Variants in ZNF804A observed in about 807,000 individuals in gnomAD.
ZNF804A encodes zinc finger protein 804A.
A neutral mutation model predicts 16.5 loss-of-function variants in ZNF804A; 2 were observed. The observed-to-expected ratio is 0.12, with a 90% CI of 0.05 to 0.38. The LOEUF (loss-of-function observed/expected upper bound fraction) is 0.38. Among genes scored for constraint, ZNF804A ranks in the 10% least tolerant of loss-of-function variants. The pLI, the probability that ZNF804A is intolerant of heterozygous loss-of-function variation, is 0.99. For missense variants in ZNF804A, 1,473 were observed against 1,390.7 expected (o/e 1.06, Z -0.94); for synonymous variants, 534 against 489.6 (o/e 1.09, Z -1.20).
intron 1 of ZNF804A, among the ~76,000 whole-genome samples, chr2:184,621,818 T>C (rs1204161339): frequency 6.6e-6 from 1 of 151,822 alleles, no homozygotes; most frequent in Admixed American, 6.6e-5. Flanking sequence ...ATTTTCTTAA[T>C]TTGAAGGCCT....
chr2:184,827,456 ATATT>A (rs1695183998), intron 1 of ZNF804A, among the ~76,000 whole-genome samples: 1 of 146,662 alleles, frequency 6.8e-6, no homozygotes, highest in Non-Finnish European at 1.5e-5. Flanking sequence ...AAATATAAAT[ATATT>A]TATATATACT....
intron 1 of ZNF804A, among the ~76,000 whole-genome samples, chr2:184,772,280 A>C (rs1055917957): frequency 6.7e-6 from 1 of 150,098 alleles, no homozygotes; most frequent in African/African-American, 2.4e-5. Context: ...AAAAAAAAAA[A>C]CAATAGCAGT....
chr2:184,611,324 G>T (rs10192442), intron 1 of ZNF804A, among the ~76,000 whole-genome samples: 4,870 of 151,980 alleles, frequency 0.032, 264 homozygotes, highest in African/African-American at 0.11. Context: ...TAGCTTACCC[G>T]TGGCATTTCT....
chr2:184,605,997 G>A (rs1176584150), intron 1 of ZNF804A, among the ~76,000 whole-genome samples: 1 of 152,200 alleles, frequency 6.6e-6, no homozygotes, highest in African/African-American at 2.4e-5. Flanking sequence ...ACCATTGGAA[G>A]AAAGTTATAT....
intron 1 of ZNF804A, among the ~76,000 whole-genome samples, chr2:184,852,843 T>C (rs1379201223): frequency 1.3e-5 from 2 of 151,888 alleles, no homozygotes; most frequent in Non-Finnish European, 2.9e-5. Context: ...TTGGTTGCTA[T>C]ATCTTTGTGG....
chr2:184,914,220 C>G (rs1346472647), intron 2 of ZNF804A, among the ~76,000 whole-genome samples: 1 of 152,136 alleles, frequency 6.6e-6, no homozygotes, highest in Non-Finnish European at 1.5e-5. Context: ...AGGCCAGCAT[C>G]TTACATGCTT....
At chr2:184,759,747 C>A (rs1694014024) in intron 1 of ZNF804A, among the ~76,000 whole-genome samples, 1 of 151,886 alleles carries the variant, frequency 6.6e-6, no homozygotes, top group Non-Finnish European at 1.5e-5. Flanking sequence ...CCTGCCTTAA[C>A]TGATGACATT....
At chr2:184,750,202 A>G (rs569818201) in intron 1 of ZNF804A, among the ~76,000 whole-genome samples, 26 of 151,494 alleles carry the variant, frequency 1.7e-4, no homozygotes, top group African/African-American at 6.3e-4. Flanking sequence ...TAAGGATTCT[A>G]TAAACCAACA....
intron 1 of ZNF804A, among the ~76,000 whole-genome samples, chr2:184,634,308 A>C (rs1006694161): frequency 4.6e-5 from 7 of 152,232 alleles, no homozygotes; most frequent in African/African-American, 1.7e-4. Context: ...GTGAAAACAA[A>C]TACTTAACCT....
intron 1 of ZNF804A, among the ~76,000 whole-genome samples, chr2:184,695,465 TAAAAAAAAAAAAA>T (rs779929990): frequency 7.1e-4 from 37 of 51,830 alleles, no homozygotes; most frequent in Middle Eastern, 0.026. Context: ...ACTCCGTCAT[TAAAAAAAAAAAAA>T]AAAAAAAAAA....
chr2:184,616,648 A>G (rs557999554), intron 1 of ZNF804A, among the ~76,000 whole-genome samples: 25 of 152,304 alleles, frequency 1.6e-4, no homozygotes, highest in Admixed American at 4.6e-4. Context: ...AATAAAGGTC[A>G]GGGAATTGTT....
At chr2:184,836,786 T>C (rs1454676944) in intron 1 of ZNF804A, among the ~76,000 whole-genome samples, 1 of 151,988 alleles carries the variant, frequency 6.6e-6, no homozygotes, top group Non-Finnish European at 1.5e-5. Context: ...TCTCTCTTTA[T>C]ATTGATATGG....
chr2:184,884,179 T>C (rs765325813), intron 2 of ZNF804A, among the ~76,000 whole-genome samples: 3 of 151,826 alleles, frequency 2.0e-5, no homozygotes, highest in Non-Finnish European at 4.4e-5. Flanking sequence ...GAGAGCCAAA[T>C]CATGAACACA....
At chr2:184,663,958 C>T (rs1423672962) in intron 1 of ZNF804A, among the ~76,000 whole-genome samples, 8 of 151,984 alleles carry the variant, frequency 5.3e-5, no homozygotes, top group Admixed American at 1.3e-4. Flanking sequence ...AGGAAACTTC[C>T]CAGAAGAATT....
chr2:184,730,065 A>G lies in ZNF804A; in HGVS notation c.111+130995A>G, dbSNP rs553082191. ...TACTAATATGGTTGCCATTACCTGA[A>G]CAAACTCCTTAAGAGATTATTTTGG... On this transcript the variant is annotated intron_variant, in intron 1 of 3. Coordinates refer to ENST00000302277, the MANE Select transcript of ZNF804A (RefSeq NM_194250.2). Among the ~76,000 whole-genome samples, 13 of 152,256 alleles carry G rather than the reference A, an allele frequency of 8.5e-5. No homozygotes were observed. The East Asian group carries it at 2.5e-3, about 29-fold the overall frequency.
chr2:184,621,923 C>G (rs969495969), intron 1 of ZNF804A, among the ~76,000 whole-genome samples: 1 of 151,680 alleles, frequency 6.6e-6, no homozygotes, highest in East Asian at 1.9e-4. Context: ...ATCTTATGGC[C>G]AAAGACAATA....
At chr2:184,664,743 T>C (rs1054915519) in intron 1 of ZNF804A, among the ~76,000 whole-genome samples, 1 of 152,148 alleles carries the variant, frequency 6.6e-6, no homozygotes, top group African/African-American at 2.4e-5. Context: ...GTTCAGAAAG[T>C]GTTTGGGACA....
intron 2 of ZNF804A, among the ~76,000 whole-genome samples, chr2:184,908,308 C>CT (rs1182466247): frequency 1.3e-5 from 2 of 152,072 alleles, no homozygotes; most frequent in Non-Finnish European, 2.9e-5. Flanking sequence ...ATCTCTCTCT[C>CT]TTTTTTCTCC....
chr2:184,706,741 A>C (rs550410121), intron 1 of ZNF804A, among the ~76,000 whole-genome samples: 3 of 152,138 alleles, frequency 2.0e-5, no homozygotes, highest in Non-Finnish European at 4.4e-5. Flanking sequence ...ATTGCACTCT[A>C]TGTTTCATTA....
Sources: allele counts gnomAD v4.1 joint callset (sites outside exome capture counted in the v4.1 genomes callset), GRCh38; gene constraint gnomAD v4.1.1; transcripts MANE v1.5; gene names NCBI Gene and HGNC (gene_info 2026-07-23, HGNC 2026-07-21).